The following NUCKS1 variants were observed in gnomAD, a reference collection of about 807,000 sequenced individuals.
The protein encoded by NUCKS1 is nuclear ubiquitous casein and cyclin-dependent kinase substrate 1.
A neutral mutation model predicts 33.0 loss-of-function variants in NUCKS1; 2 were observed. That is an observed-to-expected ratio of 0.06 (90% CI 0.02 to 0.19). The LOEUF is 0.19. Among genes scored for constraint, NUCKS1 ranks in the 10% least tolerant of loss-of-function variants. The pLI is 1.00. For missense variants in NUCKS1, 201 were observed against 293.6 expected, an observed-to-expected ratio of 0.68 and a Z score of 2.31; for synonymous variants, 106 against 102.8, an observed-to-expected ratio of 1.03 and a Z score of -0.19.
chr1:205,718,184 T>G lies in NUCKS1; in HGVS notation c.*96A>C. On this transcript the variant is annotated 3_prime_UTR_variant, in exon 7 of 7. Transcript: ENST00000367142. ...ATGAGTCAAGCCATAGCCAAAACCA[T>G]GTTCTATCTTAAGTAGGTTCTTTTT... The G allele has an allele frequency of 1.4e-6, 2 of 1,436,134 alleles. No individual in the cohort carries two copies. The highest frequency in any genetic ancestry group is 1.7e-5 in the South Asian group (1 of 58,732). 89.0% of individuals were successfully genotyped at this position (1,436,134 alleles called of 1,614,324 possible). A position where few individuals can be genotyped will look rare whatever the true frequency, so the allele number is the denominator to read the frequency against.
chr1:205,739,367 C>A (rs1422581833), intron 1 of NUCKS1, among the ~76,000 whole-genome samples: 7 of 152,232 alleles, frequency 4.6e-5, no homozygotes, highest in Non-Finnish European at 1.0e-4. Context: ...GGAAGATTTA[C>A]CTCTTTCCAC....
chr1:205,730,094 C>T (rs1293704927), intron 1 of NUCKS1, among the ~76,000 whole-genome samples: 1 of 152,056 alleles, frequency 6.6e-6, no homozygotes, highest in Admixed American at 6.6e-5. Context: ...CACTCTGTCG[C>T]CTAGGCTGGA....
intron 1 of NUCKS1, among the ~76,000 whole-genome samples, chr1:205,741,442 T>C (rs1478052620): frequency 6.6e-6 from 1 of 152,118 alleles, no homozygotes; most frequent in African/African-American, 2.4e-5. Flanking sequence ...CCTATGCAAC[T>C]GGGGACAGAG....
At chr1:205,729,440 C>G (rs1383170738) in intron 2 of NUCKS1, 132 bp downstream of exon 2, 4 of 759,068 alleles carry the variant, frequency 5.3e-6, no homozygotes, top group Admixed American at 4.4e-5. Context: ...TGACACAGAT[C>G]ATGACATGGT....
intron 1 of NUCKS1, among the ~76,000 whole-genome samples, chr1:205,746,064 A>G (rs1654313656): frequency 1.3e-5 from 2 of 152,078 alleles, no homozygotes; most frequent in Non-Finnish European, 2.9e-5. Flanking sequence ...GGGAGGCTGA[A>G]GTGGGTGGAT....
At position 205,749,120 on chromosome 1, in the gene NUCKS1, T is replaced by C. The variant is rs137926272; in HGVS notation, c.17+837A>G. Among the ~76,000 whole-genome samples, 471 of 152,282 alleles carry C rather than the reference T, an allele frequency of 3.1e-3. 1 individual carries two copies. Among genetic ancestry groups the C allele is most frequent in the Non-Finnish European group, 4.7e-3 (317 of 68,014 alleles). ...GGTTACAAAAATATCCCGAGACGCG[T>C]ACGCGGGTGAGAGTGGAACGAGAAC... On this transcript the variant is annotated intron_variant, in intron 1 of 6. Coordinates refer to ENST00000367142, the MANE Select transcript of NUCKS1 (RefSeq NM_022731.5).
In NUCKS1 at chr1:205,718,085, T is replaced by TAAAA. The variant is rs78311899; in HGVS notation, c.*191_*194dup. ...CACTTACACATACAATGGTTTGCTT[T>TAAAA]AAAAAAAAAAAAAAAAAAAGAGAGA... On this transcript the variant is annotated 3_prime_UTR_variant, in exon 7 of 7. Coordinates refer to ENST00000367142, the MANE Select transcript of NUCKS1 (RefSeq NM_022731.5). 1.5e-5 allele frequency: 15 copies of TAAAA among 1,020,698 alleles called. No homozygotes were observed. In the East Asian group the frequency reaches 2.0e-4, roughly 14 times the overall value. 63.2% of individuals were successfully genotyped at this position (1,020,698 alleles called of 1,614,324 possible).
At chr1:205,736,762 C>T (rs1052549815) in intron 1 of NUCKS1, among the ~76,000 whole-genome samples, 7 of 150,730 alleles carry the variant, frequency 4.6e-5, no homozygotes, top group East Asian at 1.9e-4. Flanking sequence ...ACCCGGGGAA[C>T]GGAGTTTGCA....
At chr1:205,736,809 T>TG (rs1206175466) in intron 1 of NUCKS1, among the ~76,000 whole-genome samples, 2 of 149,914 alleles carry the variant, frequency 1.3e-5, no homozygotes, top group South Asian at 4.2e-4. Context: ...CCAGCCTGGG[T>TG]GACAGAGCAA....
intron 2 of NUCKS1, among the ~76,000 whole-genome samples, chr1:205,728,959 C>T (rs977725054): frequency 2.0e-5 from 3 of 151,778 alleles, no homozygotes; most frequent in Non-Finnish European, 2.9e-5. Flanking sequence ...TGAGCCACTG[C>T]GCCTGGCTGT....
intron 3 of NUCKS1, 142 bp downstream of exon 3, chr1:205,727,558 T>C (rs970524974): frequency 1.5e-6 from 1 of 655,782 alleles, no homozygotes; most frequent in African/African-American, 1.8e-5. Flanking sequence ...CAGCCTGAGA[T>C]AATATGAAAT....
At chr1:205,730,346 CA>C (rs1265294533) in intron 1 of NUCKS1, among the ~76,000 whole-genome samples, 1 of 151,894 alleles carries the variant, frequency 6.6e-6, no homozygotes, top group Non-Finnish European at 1.5e-5. Flanking sequence ...TGCACCCAGC[CA>C]AAAATTATTT....
At chr1:205,749,909 G>A (rs768303888) in intron 1 of NUCKS1, 48 bp downstream of exon 1, 3 of 1,576,962 alleles carry the variant, frequency 1.9e-6, no homozygotes, top group Admixed American at 3.4e-5. Flanking sequence ...TTCACCACTC[G>A]CCCCCATCCC....
At chr1:205,733,012 A>T (rs538521598) in intron 1 of NUCKS1, among the ~76,000 whole-genome samples, 11 of 151,826 alleles carry the variant, frequency 7.2e-5, no homozygotes, top group East Asian at 3.9e-4. Context: ...TATTTAGGAT[A>T]AAAAAAATGG....
intron 1 of NUCKS1, among the ~76,000 whole-genome samples, chr1:205,749,169 T>G (rs1286508295): frequency 1.3e-5 from 2 of 152,194 alleles, no homozygotes; most frequent in African/African-American, 2.4e-5. Flanking sequence ...GGCCGTGCTG[T>G]TAACCCGCAC....
At position 205,742,838 on chromosome 1, in the gene NUCKS1, T is replaced by A. The variant is rs185319720; in HGVS notation, c.17+7119A>T. 4.7e-3 allele frequency among the ~76,000 whole-genome samples: 711 copies of A among 151,374 alleles called. 4 individuals carry two copies. The highest frequency in any genetic ancestry group is 0.015 in the African/African-American group (622 of 41,172). ...AGACTCGGTCTCAAAGAAAAAAAAA[T>A]AAATAAATAAACAAACAAATAAATA... is the stretch of plus-strand genomic sequence containing the variant. On this transcript the variant is annotated intron_variant, in intron 1 of 6. Transcript: ENST00000367142.
At chr1:205,725,408 C>A (rs1653729666) in intron 3 of NUCKS1, among the ~76,000 whole-genome samples, 1 of 152,174 alleles carries the variant, frequency 6.6e-6, no homozygotes, top group Non-Finnish European at 1.5e-5. Context: ...AATTACTGAA[C>A]CCATGATTCC....
At chr1:205,725,994 T>C (rs1653765264) in intron 3 of NUCKS1, among the ~76,000 whole-genome samples, 1 of 151,374 alleles carries the variant, frequency 6.6e-6, no homozygotes, top group East Asian at 1.9e-4. Flanking sequence ...AGGTCAGGAG[T>C]TCAAGACCAG....
intron 5 of NUCKS1, 114 bp from the exon 6 acceptor site, chr1:205,719,790 T>A: frequency 8.8e-7 from 1 of 1,137,298 alleles, no homozygotes; most frequent in Non-Finnish European, 1.2e-6. Flanking sequence ...CAAACACCCT[T>A]GGATTCTATT....
Sources: gnomAD v4.1 joint callset for allele counts (sites outside exome capture counted in the v4.1 genomes callset) on GRCh38, gnomAD v4.1.1 for gene constraint, MANE v1.5 for transcripts, NCBI Gene and HGNC (gene_info 2026-07-23, HGNC 2026-07-21) for gene names.